Variants in FGD1 observed in about 807,000 individuals in gnomAD.
FGD1 encodes the protein FYVE, RhoGEF and PH domain-containing protein 1.
Under a neutral mutation model 65.0 loss-of-function variants are expected in FGD1, and 12 were observed. The ratio of observed to expected loss-of-function variants is 0.18; its 90% CI spans 0.12 to 0.30. The LOEUF (loss-of-function observed/expected upper bound fraction) is 0.30, where lower values mean the gene tolerates loss of function less well. Ranked by LOEUF, FGD1 falls within the 10% of genes least tolerant of loss-of-function variation. FGD1 has a pLI of 1.00. For missense variants in FGD1, 542 were observed against 837.6 expected (o/e 0.65, Z 4.36); for synonymous variants, 333 against 343.9 (o/e 0.97, Z 0.35).
chrX:54,493,836 G>T (rs552494276), intron 1 of FGD1, among the ~76,000 whole-genome samples: 1 of 112,149 alleles, frequency 8.9e-6, no homozygotes, highest in African/African-American at 3.2e-5. Context: ...GCACCAAAAG[G>T]CACATCCTAC....
At chrX:54,495,078 A>T (rs1316401009) in intron 1 of FGD1, 48 bp downstream of exon 1, 21 of 1,137,511 alleles carry the variant, frequency 1.8e-5, no homozygotes, top group African/African-American at 3.6e-5. Context: ...CGCTCCCAGT[A>T]CCAGGCCCGT....
chrX:54,447,555 A>C, intron 16 of FGD1, 101 bp from the exon 17 acceptor site: 2 of 886,870 alleles, frequency 2.3e-6, no homozygotes, highest in Non-Finnish European at 3.2e-6. Flanking sequence ...TTCCTATCTC[A>C]GATGAAGACG....
At chrX:54,449,398 A>G in intron 14 of FGD1, 130 bp from the exon 15 acceptor site, 2 of 831,402 alleles carry the variant, frequency 2.4e-6, no homozygotes, top group Non-Finnish European at 3.5e-6. Context: ...GAGCAGCCAC[A>G]TTCAGAAGAC....
Position 54,476,067 on chromosome X carries a change from A to AAAAC in FGD1, c.308-4584_308-4581dup, listed in dbSNP as rs747677905. ...GCAACAAGAGCGAAACTCTGTCTCA[A>AAAAC]AAACAAACAAACAAACAAACAAACA... On this transcript the variant is annotated intron_variant, in intron 1 of 17. Coordinates refer to ENST00000375135, the MANE Select transcript of FGD1 (RefSeq NM_004463.3). Among the ~76,000 whole-genome samples the AAAAC allele has an allele frequency of 9.5e-3, 1,059 of 111,558 alleles. 9 individuals are homozygous for AAAAC. Among genetic ancestry groups the AAAAC allele is most frequent in the African/African-American group, 0.033 (998 of 30,601 alleles).
At position 54,495,520 on chromosome X, in the gene FGD1, C is replaced by A. The variant is rs1175875764; in HGVS notation, c.-88G>T. 33 of 645,526 alleles carry A rather than the reference C, an allele frequency of 5.1e-5. No individual in the cohort carries two copies. Among genetic ancestry groups the A allele is most frequent in the Non-Finnish European group, 6.4e-5 (32 of 498,865 alleles). The allele number at this position is 645,526 out of a possible 1,213,427, so 53.2% of individuals were successfully genotyped here. On this transcript the variant is annotated 5_prime_UTR_variant, in exon 1 of 18. Coordinates refer to ENST00000375135, the MANE Select transcript of FGD1 (RefSeq NM_004463.3). Reference sequence around the variant, plus strand: ...CGGGCGGAGGAGGCCCGGCGCCCGGCGGAGCAGCGGCCTCAGGATCGGGGG... The same window carrying A: ...CGGGCGGAGGAGGCCCGGCGCCCGGAGGAGCAGCGGCCTCAGGATCGGGGG...
chrX:54,456,459 C>T (rs1362990542), intron 9 of FGD1, 50 bp downstream of exon 9: 1 of 1,207,865 alleles, frequency 8.3e-7, no homozygotes, highest in South Asian at 1.8e-5. Context: ...AGGATGGAGA[C>T]ACCACAGGTG....
chrX:54,478,786 C>G (rs1248171318), intron 1 of FGD1, among the ~76,000 whole-genome samples: 1 of 102,659 alleles, frequency 9.7e-6, no homozygotes, highest in African/African-American at 3.6e-5. Flanking sequence ...AGCCACAAAA[C>G]TACACACATA....
intron 1 of FGD1, among the ~76,000 whole-genome samples, chrX:54,472,089 G>A (rs1316793891): frequency 9.1e-6 from 1 of 110,210 alleles, no homozygotes; most frequent in Non-Finnish European, 1.9e-5. Flanking sequence ...ATGAGTTTGG[G>A]CAACAAAGTG....
At chrX:54,456,918 A>G (rs1341013286) in intron 8 of FGD1, among the ~76,000 whole-genome samples, 1 of 111,336 alleles carries the variant, frequency 9.0e-6, no homozygotes, top group Non-Finnish European at 1.9e-5. Flanking sequence ...GGCGTGAGCC[A>G]CCGCACCCGG....
intron 16 of FGD1, among the ~76,000 whole-genome samples, 190 bp from the exon 17 acceptor site, chrX:54,447,644 G>C (rs866218366): frequency 8.9e-6 from 1 of 112,808 alleles, no homozygotes; most frequent in African/African-American, 3.2e-5. Context: ...AGCTAGGTTC[G>C]TCTGCCTCAT....
At chrX:54,483,343 G>T (rs1923196324) in intron 1 of FGD1, among the ~76,000 whole-genome samples, 1 of 112,161 alleles carries the variant, frequency 8.9e-6, no homozygotes, top group African/African-American at 3.2e-5. Flanking sequence ...AGGGGCTGGA[G>T]GGGGAGCAGG....
intron 1 of FGD1, among the ~76,000 whole-genome samples, chrX:54,473,877 G>C (rs201784095): frequency 9.1e-6 from 1 of 110,365 alleles, no homozygotes; most frequent in Non-Finnish European, 1.9e-5. Context: ...CCAGCTACTC[G>C]GGAGGCTGAG....
At chrX:54,494,990 G>A in intron 1 of FGD1, 136 bp downstream of exon 1, 1 of 594,498 alleles carries the variant, frequency 1.7e-6, no homozygotes, top group Non-Finnish European at 2.7e-6. Context: ...GGAGGAGGAG[G>A]GGTTTGAGGG....
intron 4 of FGD1, 86 bp from the exon 5 acceptor site, chrX:54,468,962 A>G: frequency 4.4e-6 from 3 of 678,761 alleles, no homozygotes; most frequent in Non-Finnish European, 7.0e-6. Context: ...AACAGTTCCC[A>G]TGCCACTCTA....
chrX:54,475,592 C>T (rs1251084299), intron 1 of FGD1, among the ~76,000 whole-genome samples: 1 of 111,857 alleles, frequency 8.9e-6, no homozygotes, highest in Non-Finnish European at 1.9e-5. Context: ...TTTCAGAACT[C>T]CCTCTCCCTT....
chrX:54,495,173 C>G lies in FGD1; in HGVS notation c.260G>C (p.Arg87Pro), dbSNP rs913891414. 9 of 1,186,662 alleles carry G rather than the reference C, an allele frequency of 7.6e-6. No individual in the cohort carries two copies. Among genetic ancestry groups the G allele is most frequent in the Non-Finnish European group, 9.0e-6 (8 of 884,234 alleles). Residue 87 changes from arginine (R) to proline (P), a missense_variant, in exon 1 of 18, where the codon CGG becomes CCG. By Grantham distance (103) the Arg-to-Pro change is moderately radical. Around this residue, in one of 6 missense-constraint regions of FGD1, gnomAD observed 297 missense variants for 326.8 expected, o/e 0.91. Transcript: ENST00000375135. Reference sequence around the variant, plus strand: ...CAGGTGGTAAGAGAAGCGCAGGGCCCGGTGGTGCTGTGGACTGGGACCGCA... The same window carrying G: ...CAGGTGGTAAGAGAAGCGCAGGGCCGGGTGGTGCTGTGGACTGGGACCGCA... ...LPCGPSPQHH[R>P]ALRFSYHLEG...
Position 54,446,097 on chromosome X carries a change from G to A in FGD1, c.*12C>T. 2.5e-6 allele frequency: 3 copies of A among 1,196,662 alleles called. No homozygotes were observed. Among genetic ancestry groups the A allele is most frequent in the Non-Finnish European group, 3.4e-6 (3 of 886,625 alleles). ...AGTGTGGGGTGGGGGCTCCCAGTTT[G>A]TCCCAAACCCTCTAGGTCTTGTCTC... On this transcript the variant is annotated 3_prime_UTR_variant, in exon 18 of 18. Coordinates refer to ENST00000375135, the MANE Select transcript of FGD1 (RefSeq NM_004463.3).
intron 8 of FGD1, among the ~76,000 whole-genome samples, chrX:54,464,117 A>G (rs1276809444): frequency 3.8e-5 from 3 of 79,293 alleles, no homozygotes; most frequent in Non-Finnish European, 7.0e-5. Context: ...ACCCACCACC[A>G]CGCCCAGCTC....
intron 8 of FGD1, among the ~76,000 whole-genome samples, chrX:54,458,369 C>T (rs558353240): frequency 9.1e-6 from 1 of 109,567 alleles, no homozygotes; most frequent in African/African-American, 3.3e-5. Context: ...GGCAAAACCC[C>T]GTCTCTACTA....
Sources: gnomAD v4.1 joint callset for allele counts (sites outside exome capture counted in the v4.1 genomes callset) on GRCh38, gnomAD v4.1.1 for gene constraint, gnomAD v4.1.1 regional missense constraint, MANE v1.5 for transcripts, NCBI Gene and HGNC (gene_info 2026-07-23, HGNC 2026-07-21) for gene names.